SGSM1: variants seen among roughly 807,000 people sequenced by gnomAD.
SGSM1 encodes RUN and TBC1 domain containing 2.
A neutral mutation model predicts 133.8 loss-of-function variants in SGSM1; 73 were observed. The ratio of observed to expected loss-of-function variants is 0.55; its 90% CI spans 0.45 to 0.66. SGSM1 has a LOEUF of 0.66. SGSM1 is among the 30% of genes least tolerant of loss of function. The pLI is 0.00. For missense variants in SGSM1, 1,213 were observed against 1,448.1 expected (o/e 0.84, Z 2.64); for synonymous variants, 563 against 573.0 (o/e 0.98, Z 0.25).
intron 23 of SGSM1, 35 bp from the exon 24 acceptor site, chr22:24,919,791 C>G: frequency 6.2e-7 from 1 of 1,611,990 alleles, no homozygotes; most frequent in Non-Finnish European, 8.5e-7. Flanking sequence ...GCCCCGTCAC[C>G]AATTCTCTCC....
chr22:24,915,500 A>G (rs1933791931), intron 22 of SGSM1, among the ~76,000 whole-genome samples: 2 of 152,204 alleles, frequency 1.3e-5, no homozygotes, highest in Admixed American at 1.3e-4. Flanking sequence ...TATTTTTGCC[A>G]ATCTCTTGGA....
intron 13 of SGSM1, among the ~76,000 whole-genome samples, chr22:24,878,621 G>A (rs1932154430): frequency 1.3e-5 from 2 of 152,130 alleles, no homozygotes; most frequent in Admixed American, 6.5e-5. Context: ...TATCCTCTAT[G>A]AGAGTGTACA....
intron 2 of SGSM1, among the ~76,000 whole-genome samples, chr22:24,840,588 C>T (rs1258122794): frequency 6.6e-6 from 1 of 151,944 alleles, no homozygotes; most frequent in African/African-American, 2.4e-5. Context: ...GGTAATCCGC[C>T]CGCCTCAGCC....
chr22:24,892,842 A>C (rs1309384915), intron 16 of SGSM1, among the ~76,000 whole-genome samples: 1 of 150,094 alleles, frequency 6.7e-6, no homozygotes, highest in African/African-American at 2.5e-5. Flanking sequence ...AGGTCAAGAG[A>C]TCAAGACCAT....
At chr22:24,887,521 T>C (rs1371295340) in intron 16 of SGSM1, among the ~76,000 whole-genome samples, 1 of 152,210 alleles carries the variant, frequency 6.6e-6, no homozygotes, top group Non-Finnish European at 1.5e-5. Flanking sequence ...TTTTTGGCTG[T>C]TACAAATCAA....
chr22:24,879,550 G>A (rs766723789), intron 14 of SGSM1, 24 bp downstream of exon 14: 1 of 1,608,028 alleles, frequency 6.2e-7, no homozygotes, highest in South Asian at 1.1e-5. Flanking sequence ...TCCATTGCCA[G>A]TGTGTCTCCG....
chr22:24,862,321 G>T (rs750099600), intron 9 of SGSM1, among the ~76,000 whole-genome samples: 2 of 151,982 alleles, frequency 1.3e-5, no homozygotes, highest in Non-Finnish European at 2.9e-5. Flanking sequence ...GGGTGCTCTG[G>T]GTCTCTTTAT....
At chr22:24,857,060 A>G (rs139690) in intron 8 of SGSM1, among the ~76,000 whole-genome samples, 21,230 of 151,698 alleles carry the variant, frequency 0.14, 2,596 homozygotes, top group African/African-American at 0.33. Flanking sequence ...GAGCCACTGC[A>G]CCCAGCTAAG....
At chr22:24,871,119 T>C (rs1341747745) in intron 12 of SGSM1, among the ~76,000 whole-genome samples, 1 of 152,198 alleles carries the variant, frequency 6.6e-6, no homozygotes, top group Non-Finnish European at 1.5e-5. Flanking sequence ...CATTGTGGGA[T>C]GTTGAGCACC....
Position 24,924,356 on chromosome 22 carries a change from C to A in SGSM1, c.*82C>A. 2.4e-6 allele frequency: 3 copies of A among 1,264,898 alleles called. No individual in the cohort carries two copies. Among genetic ancestry groups the A allele is most frequent in the Non-Finnish European group, 3.4e-6 (3 of 876,984 alleles). The allele number at this position is 1,264,898 out of a possible 1,614,324, so 78.4% of individuals were successfully genotyped here. On this transcript the variant is annotated 3_prime_UTR_variant, in exon 25 of 25. Coordinates refer to ENST00000400358, the MANE Select transcript of SGSM1 (RefSeq NM_001098497.3). ...ACTTTTCCTCCTGGCTGGATGGGCA[C>A]CCCGGGAGCGGGGTCCTGGTGTCTG...
intron 2 of SGSM1, among the ~76,000 whole-genome samples, chr22:24,814,951 C>T (rs1015663482): frequency 6.6e-5 from 10 of 152,210 alleles, no homozygotes; most frequent in African/African-American, 2.4e-4. Flanking sequence ...GACAGTCCCT[C>T]AGCCTAAGGA....
At chr22:24,827,830 G>A (rs1928885755) in intron 2 of SGSM1, among the ~76,000 whole-genome samples, 1 of 152,088 alleles carries the variant, frequency 6.6e-6, no homozygotes, top group Admixed American at 6.5e-5. Flanking sequence ...CTCCAAGTCA[G>A]TGACTCCACA....
At chr22:24,874,942 T>C (rs1931956930) in intron 12 of SGSM1, among the ~76,000 whole-genome samples, 1 of 152,206 alleles carries the variant, frequency 6.6e-6, no homozygotes, top group African/African-American at 2.4e-5. Context: ...AGCTCATGGG[T>C]GAGTCTACAT....
Position 24,909,805 on chromosome 22 carries a change from A to G in SGSM1, c.2819-2838A>G, listed in dbSNP as rs576640252. On this transcript the variant is annotated intron_variant, in intron 21 of 24. Transcript: ENST00000400358. The stretch of plus-strand genomic sequence containing the variant: ...CTGGCAGTTTCTCATAGTAATAAAC[A>G]TAGAGTTATCATACGACCCAGCAAT... Among the ~76,000 whole-genome samples, 3 of 152,280 alleles carry G rather than the reference A, an allele frequency of 2.0e-5. No individual in the cohort carries two copies. In the South Asian group the frequency reaches 6.2e-4, roughly 32 times the overall value.
chr22:24,858,572 G>A (rs972824829), intron 8 of SGSM1, among the ~76,000 whole-genome samples: 2 of 150,164 alleles, frequency 1.3e-5, no homozygotes, highest in East Asian at 2.0e-4. Flanking sequence ...GGAAGCAGAC[G>A]TTGCAGTGAG....
intron 21 of SGSM1, among the ~76,000 whole-genome samples, chr22:24,909,403 A>G (rs139756): frequency 0.37 from 56,122 of 151,952 alleles, 10,771 homozygotes; most frequent in East Asian, 0.64. Context: ...AGCTTTGGAC[A>G]TTGCTGGTGG....
chr22:24,835,222 C>T (rs1308475270), intron 2 of SGSM1, among the ~76,000 whole-genome samples: 1 of 152,148 alleles, frequency 6.6e-6, no homozygotes, highest in Non-Finnish European at 1.5e-5. Flanking sequence ...TCCAGGGCAG[C>T]GGGGGTGTCT....
chr22:24,881,437 G>GCACA (rs1351786098), intron 14 of SGSM1, among the ~76,000 whole-genome samples: 5,922 of 133,716 alleles, frequency 0.044, 360 homozygotes, highest in East Asian at 0.075. Flanking sequence ...GTGGTGGTGG[G>GCACA]CGCCTGTAGT....
At chr22:24,858,495 G>A (rs1458542808) in intron 8 of SGSM1, among the ~76,000 whole-genome samples, 3 of 152,000 alleles carry the variant, frequency 2.0e-5, no homozygotes, top group Non-Finnish European at 4.4e-5. Flanking sequence ...AATTAGCTAG[G>A]CATGGTGGCA....
Sources: gnomAD v4.1 joint callset for allele counts (sites outside exome capture counted in the v4.1 genomes callset) on GRCh38, gnomAD v4.1.1 for gene constraint, MANE v1.5 for transcripts, NCBI Gene and HGNC (gene_info 2026-07-23, HGNC 2026-07-21) for gene names.